Variants in SCPEP1 observed in about 807,000 individuals in gnomAD.
SCPEP1 encodes the protein serine carboxypeptidase 1, also known as retinoid-inducible serine carboxypeptidase.
Under a neutral mutation model 63.8 loss-of-function variants are expected in SCPEP1, and 51 were observed. The ratio of observed to expected loss-of-function variants is 0.80; its 90% confidence interval spans 0.64 to 1.01. SCPEP1 has a LOEUF of 1.01. Ranked by LOEUF, SCPEP1 falls within the 50% of genes least tolerant of loss-of-function variation. SCPEP1 has a pLI of 0.00. For synonymous variants in SCPEP1, 204 were observed against 207.8 expected, an observed-to-expected ratio of 0.98 and a Z score of 0.16; for missense variants, 499 against 554.9, an observed-to-expected ratio of 0.90 and a Z score of 1.01.
intron 2 of SCPEP1, among the ~76,000 whole-genome samples, chr17:56,982,017 T>G (rs139523864): frequency 1.3e-5 from 2 of 152,064 alleles, no homozygotes; most frequent in East Asian, 3.9e-4. Context: ...TTTCCCTGAG[T>G]GTGTTTGCAT....
chr17:56,980,745 G>A (rs1185188075), intron 1 of SCPEP1, among the ~76,000 whole-genome samples: 3 of 139,622 alleles, frequency 2.1e-5, no homozygotes, highest in Admixed American at 7.9e-5. Context: ...CCGAGATTGC[G>A]CCATTGCATT....
intron 3 of SCPEP1, chr17:56,987,482 C>A (rs1285003782): frequency 2.9e-6 from 1 of 342,888 alleles, no homozygotes; most frequent in Non-Finnish European, 5.1e-6. Context: ...TTTTTTTTTG[C>A]GGCGGCGGGG....
At chr17:56,998,333 T>A in intron 9 of SCPEP1, 52 bp from the exon 10 acceptor site, 34 of 1,141,770 alleles carry the variant, frequency 3.0e-5, no homozygotes, top group Non-Finnish European at 4.0e-5. Context: ...AAAGATGTCC[T>A]CTTGGCCTTA....
chr17:56,987,467 C>CT (rs34593566), intron 3 of SCPEP1: 843 of 272,786 alleles, frequency 3.1e-3, no homozygotes, highest in East Asian at 6.2e-3. Flanking sequence ...CTGCCTCTCC[C>CT]TTTTTTTTTT....
intron 6 of SCPEP1, among the ~76,000 whole-genome samples, chr17:56,991,924 C>T (rs1911411924): frequency 6.6e-6 from 1 of 152,198 alleles, no homozygotes; most frequent in Non-Finnish European, 1.5e-5. Flanking sequence ...CCCTGGGGAA[C>T]AAAACCATCC....
At position 56,999,981 on chromosome 17, in the gene SCPEP1, TAAAAAAAAAA is replaced by T. The variant is rs761068231; in HGVS notation, c.995-863_995-854del. Among the ~76,000 whole-genome samples, 17 of 103,838 alleles carry T rather than the reference TAAAAAAAAAA, an allele frequency of 1.6e-4. No homozygotes were observed. The Admixed American group carries it at 1.7e-3, about 10-fold the overall frequency. The allele number at this position is 103,838 out of a possible 152,430, so 68.1% of individuals were successfully genotyped here. On this transcript the variant is annotated intron_variant, in intron 10 of 12. Transcript: ENST00000262288. ...TGGGCAATAAGAGTGAAACTCTGTC[TAAAAAAAAAA>T]AAAAAAAAAAGAGCTGGGCGTGGTG... is the stretch of plus-strand genomic sequence containing the variant.
chr17:56,986,005 T>C (rs1389711316), intron 3 of SCPEP1, among the ~76,000 whole-genome samples: 8 of 152,026 alleles, frequency 5.3e-5, no homozygotes, highest in Non-Finnish European at 1.2e-4. Context: ...ACTCCCACTG[T>C]CCACCTGCTT....
intron 1 of SCPEP1, among the ~76,000 whole-genome samples, chr17:56,980,408 C>A (rs1042285905): frequency 4.6e-5 from 7 of 152,136 alleles, no homozygotes; most frequent in Non-Finnish European, 8.8e-5. Flanking sequence ...AGCCACCAAG[C>A]CTGGTGTCTT....
At chr17:56,978,802 T>C (rs191891435) in intron 1 of SCPEP1, among the ~76,000 whole-genome samples, 74 of 152,330 alleles carry the variant, frequency 4.9e-4, no homozygotes, top group African/African-American at 1.7e-3. Flanking sequence ...GCACTGAGAA[T>C]TGGAACTGGC....
chr17:56,982,172 G>A (rs1911086954), intron 2 of SCPEP1, among the ~76,000 whole-genome samples: 1 of 152,134 alleles, frequency 6.6e-6, no homozygotes, highest in Non-Finnish European at 1.5e-5. Flanking sequence ...CCACCAGGGA[G>A]GAATTAAGGA....
chr17:56,983,843 T>C (rs917156235), intron 2 of SCPEP1: 9 of 151,924 alleles, frequency 5.9e-5, no homozygotes, highest in Non-Finnish European at 2.9e-5. Flanking sequence ...TTTTTTTTTT[T>C]CTTTAGATTT....
chr17:57,006,305 T>C lies in SCPEP1; in HGVS notation c.*70T>C. 2.5e-6 allele frequency: 3 copies of C among 1,209,084 alleles called. No homozygotes were observed. Among genetic ancestry groups the C allele is most frequent in the African/African-American group, 1.5e-5 (1 of 64,928 alleles). The allele number at this position is 1,209,084 out of a possible 1,614,324, so 74.9% of individuals were successfully genotyped here. A position where few individuals can be genotyped will look rare whatever the true frequency, so the allele number is the denominator to read the frequency against. On this transcript the variant is annotated 3_prime_UTR_variant, in exon 13 of 13. Transcript: ENST00000262288. The stretch of plus-strand genomic sequence containing the variant: ...AGCTGAGCTGAGGCCGCTGAAGCTG[T>C]AGGAAGCGCCATTCTTCCCTGTATC...
rs143806617 is a variant in SCPEP1 at position 56,985,769 on chromosome 17, C to G, written c.315+302C>G. 2.2e-3 allele frequency among the ~76,000 whole-genome samples: 334 copies of G among 152,238 alleles called. 1 individual carries two copies. Among genetic ancestry groups the G allele is most frequent in the Non-Finnish European group, 3.9e-3 (265 of 68,014 alleles). On this transcript the variant is annotated intron_variant, in intron 3 of 12. Coordinates refer to ENST00000262288, the MANE Select transcript of SCPEP1 (RefSeq NM_021626.3). ...ACCCTGTGTTATGCACGCTGGCCATCTCCGCGGCCTCAGACACCATGGTTG... is the reference window on the plus strand; with the variant it reads ...ACCCTGTGTTATGCACGCTGGCCATGTCCGCGGCCTCAGACACCATGGTTG...
intron 6 of SCPEP1, chr17:56,994,771 A>T (rs897609848): frequency 6.2e-6 from 3 of 480,616 alleles, no homozygotes; most frequent in African/African-American, 3.9e-5. Context: ...GAGTCAACAG[A>T]AAGGCCCCCA....
intron 12 of SCPEP1, among the ~76,000 whole-genome samples, chr17:57,003,029 G>C (rs980279824): frequency 4.6e-5 from 7 of 152,188 alleles, no homozygotes; most frequent in African/African-American, 1.7e-4. Context: ...GTGGTCTAGA[G>C]ACAGACAGGC....
intron 8 of SCPEP1, among the ~76,000 whole-genome samples, chr17:56,996,256 G>A (rs1224057362): frequency 6.6e-6 from 1 of 151,980 alleles, no homozygotes. Flanking sequence ...CCAGGCTGGA[G>A]TGCAATGGCA....
At chr17:56,980,458 A>G (rs868386455) in intron 1 of SCPEP1, among the ~76,000 whole-genome samples, 2 of 152,184 alleles carry the variant, frequency 1.3e-5, no homozygotes, top group South Asian at 4.1e-4. Context: ...AGTATATTGC[A>G]TTCTGAGATT....
chr17:56,983,827 GT>G (rs1184200893), intron 2 of SCPEP1: 1 of 147,622 alleles, frequency 6.8e-6, no homozygotes, highest in Non-Finnish European at 1.5e-5. Context: ...ACTCTATCTT[GT>G]CTTTTTTTTT....
chr17:57,000,743 C>A, intron 10 of SCPEP1, 112 bp from the exon 11 acceptor site: 1 of 1,242,852 alleles, frequency 8.0e-7, no homozygotes, highest in South Asian at 1.3e-5. Context: ...TGTGAAGCAT[C>A]TGTGCATTCA....
Sources: allele counts gnomAD v4.1 joint callset (sites outside exome capture counted in the v4.1 genomes callset), GRCh38; gene constraint gnomAD v4.1.1; transcripts MANE v1.5; gene names NCBI Gene and HGNC (gene_info 2026-07-23, HGNC 2026-07-21).